ADAMTSL1: variants seen among roughly 807,000 people sequenced by gnomAD.
ADAMTSL1 encodes the protein ADAMTS like 1, also known as ADAMTS-like protein 1.
Under a neutral mutation model 201.8 loss-of-function variants are expected in ADAMTSL1, and 126 were observed. The observed-to-expected ratio is 0.62, with a 90% CI of 0.54 to 0.72. The LOEUF (loss-of-function observed/expected upper bound fraction) is 0.72. Ranked by LOEUF, ADAMTSL1 falls within the 30% of genes least tolerant of loss-of-function variation. The probability of loss-of-function intolerance (pLI) is 0.00; values close to 1 mark genes in which losing one functional copy is unlikely to be tolerated. For missense variants in ADAMTSL1, 2,679 were observed against 2,277.8 expected, an observed-to-expected ratio of 1.18 and a Z score of -3.59; for synonymous variants, 1,121 against 903.4, an observed-to-expected ratio of 1.24 and a Z score of -4.32.
intron 1 of ADAMTSL1, among the ~76,000 whole-genome samples, chr9:17,970,364 C>G (rs1256627153): frequency 6.6e-6 from 1 of 152,018 alleles, no homozygotes; most frequent in Non-Finnish European, 1.5e-5. Flanking sequence ...TTGCCTTTTT[C>G]ATGTGAGCAT....
intron 5 of ADAMTSL1, among the ~76,000 whole-genome samples, chr9:18,626,307 T>C (rs1587734376): frequency 6.6e-6 from 1 of 152,082 alleles, no homozygotes; most frequent in African/African-American, 2.4e-5. Context: ...CAGCCACAGG[T>C]GATGCAGGGG....
intron 2 of ADAMTSL1, among the ~76,000 whole-genome samples, chr9:18,175,811 T>G: frequency 6.6e-6 from 1 of 151,658 alleles, no homozygotes; most frequent in East Asian, 2.0e-4. Flanking sequence ...ATGGCATGCC[T>G]CCTCAGGCTG....
intron 2 of ADAMTSL1, among the ~76,000 whole-genome samples, chr9:18,419,991 G>C (rs900510372): frequency 3.3e-5 from 5 of 152,098 alleles, no homozygotes; most frequent in African/African-American, 1.2e-4. Flanking sequence ...GCCTTCCAAA[G>C]TGCTGGGATT....
intron 14 of ADAMTSL1, among the ~76,000 whole-genome samples, chr9:18,718,838 G>A (rs980102340): frequency 2.0e-5 from 3 of 152,338 alleles, no homozygotes; most frequent in Non-Finnish European, 2.9e-5. Context: ...CCTCAGGATC[G>A]TTGACCCAAT....
intron 2 of ADAMTSL1, among the ~76,000 whole-genome samples, chr9:18,372,757 T>C (rs994449645): frequency 2.0e-5 from 3 of 152,226 alleles, no homozygotes; most frequent in African/African-American, 7.2e-5. Flanking sequence ...AGGCTTTGGT[T>C]ACATGTGGGG....
chr9:18,702,358 GT>G (rs1278039794), intron 13 of ADAMTSL1, among the ~76,000 whole-genome samples: 2 of 152,110 alleles, frequency 1.3e-5, no homozygotes, highest in Non-Finnish European at 2.9e-5. Flanking sequence ...AGAGTAAGTT[GT>G]TTTTGTTTAT....
At chr9:18,324,235 C>G (rs1455833854) in intron 2 of ADAMTSL1, among the ~76,000 whole-genome samples, 1 of 151,892 alleles carries the variant, frequency 6.6e-6, no homozygotes, top group African/African-American at 2.4e-5. Flanking sequence ...AACATGTATC[C>G]TAGAAAAAAG....
At chr9:18,072,721 A>G (rs935376041) in intron 1 of ADAMTSL1, among the ~76,000 whole-genome samples, 3 of 152,192 alleles carry the variant, frequency 2.0e-5, no homozygotes, top group African/African-American at 7.2e-5. Flanking sequence ...GCATTTTTGT[A>G]GGGCCCACTT....
chr9:18,128,566 C>A (rs989500714), intron 1 of ADAMTSL1, among the ~76,000 whole-genome samples: 1 of 152,096 alleles, frequency 6.6e-6, no homozygotes, highest in African/African-American at 2.4e-5. Flanking sequence ...CCGCCTCAGC[C>A]TCCCAAAGCG....
chr9:18,804,184 C>A (rs1012375017), intron 20 of ADAMTSL1, among the ~76,000 whole-genome samples: 3 of 152,114 alleles, frequency 2.0e-5, no homozygotes, highest in African/African-American at 7.2e-5. Flanking sequence ...CTATTAACTC[C>A]CTTTACCTGA....
chr9:18,799,910 AT>A lies in ADAMTSL1; in HGVS notation c.3805+4388del, dbSNP rs1822676410. On this transcript the variant is annotated intron_variant, in intron 20 of 28. Coordinates refer to ENST00000380548, the MANE Select transcript of ADAMTSL1 (RefSeq NM_001040272.6). ...TAGTAGCTACAATAAAAGACAAGTGATTGTGTAAGCTTATCATAATGTAAGT... is the reference window on the plus strand; with the variant it reads ...TAGTAGCTACAATAAAAGACAAGTGATGTGTAAGCTTATCATAATGTAAGT... Among the ~76,000 whole-genome samples, 2 of 152,196 alleles carry A rather than the reference AT, an allele frequency of 1.3e-5. 1 individual carries two copies. Among genetic ancestry groups the A allele is most frequent in the South Asian group, 4.1e-4 (2 of 4,824 alleles).
At chr9:18,726,103 T>G (rs1817872248) in intron 15 of ADAMTSL1, among the ~76,000 whole-genome samples, 2 of 152,232 alleles carry the variant, frequency 1.3e-5, no homozygotes, top group Admixed American at 1.3e-4. Context: ...ATCTTCTCCT[T>G]TCTTTTCATT....
At chr9:18,688,209 T>C (rs2507119) in intron 13 of ADAMTSL1, among the ~76,000 whole-genome samples, 125,818 of 151,122 alleles carry the variant, frequency 0.83, 52,778 homozygotes, top group Admixed American at 0.9. Context: ...CTGCAATCTC[T>C]ACCTCCTGGG....
intron 14 of ADAMTSL1, chr9:18,718,102 T>G: frequency 7.8e-7 from 1 of 1,286,930 alleles, no homozygotes; most frequent in South Asian, 1.2e-5. Context: ...AATCTAAGAA[T>G]GCACAGTTGT....
intron 2 of ADAMTSL1, among the ~76,000 whole-genome samples, chr9:18,457,927 C>A (rs947270594): frequency 6.6e-6 from 1 of 152,190 alleles, no homozygotes; most frequent in Non-Finnish European, 1.5e-5. Context: ...CTGACATCCA[C>A]CCTCCATCAA....
rs934604288 is a variant in ADAMTSL1, at chr9:18,718,246, C to G, written c.1877-3290C>G. The G allele has an allele frequency of 6.6e-6, 5 of 760,242 alleles. No individual in the cohort carries two copies. In the African/African-American group the frequency reaches 8.6e-5, roughly 13 times the overall value. The allele number at this position is 760,242 out of a possible 1,614,324, so 47.1% of individuals were successfully genotyped here. A position where few individuals can be genotyped will look rare whatever the true frequency, so the allele number is the denominator to read the frequency against. On this transcript the variant is annotated intron_variant, in intron 14 of 28. Coordinates refer to ENST00000380548, the MANE Select transcript of ADAMTSL1 (RefSeq NM_001040272.6). ...ACTCAAAGAATCTGTTCTCTCAAGT[C>G]TTGCAAATCATTAAATGTGGACTGT...
intron 2 of ADAMTSL1, among the ~76,000 whole-genome samples, chr9:18,421,264 G>GT (rs1310040000): frequency 2.6e-5 from 4 of 152,082 alleles, no homozygotes; most frequent in African/African-American, 9.7e-5. Flanking sequence ...GGTAAATATA[G>GT]TATTGCATTT....
At chr9:18,027,672 G>A (rs1312504652) in intron 1 of ADAMTSL1, among the ~76,000 whole-genome samples, 2 of 151,310 alleles carry the variant, frequency 1.3e-5, no homozygotes, top group African/African-American at 2.4e-5. Flanking sequence ...ATGTGTAGAT[G>A]AGAAAAATGT....
intron 2 of ADAMTSL1, among the ~76,000 whole-genome samples, chr9:18,258,878 T>A (rs902035554): frequency 1.3e-5 from 2 of 152,336 alleles, no homozygotes; most frequent in East Asian, 3.9e-4. Flanking sequence ...TCTCTCCTGA[T>A]TATTGAATGA....
Sources: gnomAD v4.1 joint callset for allele counts (sites outside exome capture counted in the v4.1 genomes callset) on GRCh38, gnomAD v4.1.1 for gene constraint, MANE v1.5 for transcripts, NCBI Gene and HGNC (gene_info 2026-07-23, HGNC 2026-07-21) for gene names.